GEMIN5: variants seen among roughly 807,000 people sequenced by gnomAD.
GEMIN5 encodes the protein gem-associated protein 5.
GEMIN5 carries 124 observed loss-of-function variants against 176.9 expected under a neutral mutation model. The observed-to-expected ratio is 0.70, with a 90% CI of 0.61 to 0.81. GEMIN5 has a LOEUF of 0.81. Ranked by LOEUF, GEMIN5 falls within the 40% of genes least tolerant of loss-of-function variation. GEMIN5 has a pLI of 0.00. For synonymous variants in GEMIN5, 673 were observed against 665.2 expected, an observed-to-expected ratio of 1.01 and a Z score of -0.18; for missense variants, 1,843 against 1,814.6, an observed-to-expected ratio of 1.02 and a Z score of -0.28.
chr5:154,897,498 CT>C (rs1034947532), intron 23 of GEMIN5, among the ~76,000 whole-genome samples: 2 of 152,012 alleles, frequency 1.3e-5, no homozygotes, highest in South Asian at 4.2e-4. Context: ...ACACTTTTCT[CT>C]TTTTTTTCTG....
At chr5:154,910,602 C>A (rs1206069257) in intron 15 of GEMIN5, among the ~76,000 whole-genome samples, 1 of 152,210 alleles carries the variant, frequency 6.6e-6, no homozygotes, top group Non-Finnish European at 1.5e-5. Flanking sequence ...CTGTGCCCAG[C>A]AGTTGCTTAA....
chr5:154,927,135 A>G (rs1764057036), intron 7 of GEMIN5, among the ~76,000 whole-genome samples: 1 of 152,068 alleles, frequency 6.6e-6, no homozygotes, highest in African/African-American at 2.4e-5. Context: ...TTGACCTAAT[A>G]CATCCTTCCC....
chr5:154,911,840 A>G lies in GEMIN5; in HGVS notation c.2054T>C (p.Leu685Pro). The G allele has an allele frequency of 6.2e-7, 1 of 1,614,038 alleles. No homozygotes were observed. The highest frequency in any genetic ancestry group is 1.1e-5 in the South Asian group (1 of 91,072). ...LCNFRGHRGRLLCVAWSPLDP... is the reference protein window; with the variant it reads ...LCNFRGHRGRPLCVAWSPLDP... The stretch of plus-strand genomic sequence containing the variant: ...CAAAGGAGACCATGCCACACAAAGC[A>G]GTCGACCTCGATGTCCTCGGAAATT... The change falls in exon 15 of 28, where the codon CTG (leucine) becomes CCG (proline). Residue 685 changes from leucine to proline, a missense_variant. Leu to Pro is a moderately conservative substitution (Grantham distance 98). Transcript: ENST00000285873.
At chr5:154,920,658 G>A (rs887879424) in intron 10 of GEMIN5, among the ~76,000 whole-genome samples, 4 of 152,160 alleles carry the variant, frequency 2.6e-5, no homozygotes, top group Non-Finnish European at 5.9e-5. Flanking sequence ...GTAAACATTT[G>A]TTGCATAAAT....
intron 26 of GEMIN5, among the ~76,000 whole-genome samples, chr5:154,890,870 T>A (rs1321905193): frequency 6.6e-6 from 1 of 152,086 alleles, no homozygotes; most frequent in Non-Finnish European, 1.5e-5. Flanking sequence ...TTCAAACGAT[T>A]CTCTGGCCTC....
In GEMIN5 at chr5:154,891,737, C is replaced by T. The variant is rs149877560; in HGVS notation, c.3766G>A (p.Asp1256Asn). ...VYSAFLPDGCDHLRDKLGDHQ... is the reference protein window; with the variant it reads ...VYSAFLPDGCNHLRDKLGDHQ... ...TCCCCCAACTTGTCTCTTAGGTGGT[C>T]ACAGCCTAGGAAAAGAGGAAAAAGA... Residue 1256 changes from aspartate (D) to asparagine (N), a missense_variant, in exon 26 of 28, where the codon GAC (aspartate) becomes AAC (asparagine). Transcript: ENST00000285873. 1.3e-4 allele frequency: 212 copies of T among 1,581,838 alleles called. No homozygotes were observed. In the African/African-American group the frequency reaches 2.6e-3, roughly 20 times the overall value.
At chr5:154,932,388 C>G in intron 3 of GEMIN5, 138 bp from the exon 4 acceptor site, 1 of 624,270 alleles carries the variant, frequency 1.6e-6, no homozygotes, top group South Asian at 2.0e-5. Flanking sequence ...GGGAAGAGGA[C>G]AAAAAATAAT....
At chr5:154,916,574 A>G (rs1230825157) in intron 13 of GEMIN5, among the ~76,000 whole-genome samples, 4 of 152,092 alleles carry the variant, frequency 2.6e-5, no homozygotes, top group African/African-American at 9.7e-5. Flanking sequence ...TGCAGCCTCA[A>G]ACTCCTAGAA....
intron 1 of GEMIN5, 78 bp from the exon 2 acceptor site, chr5:154,937,263 C>T: frequency 1.7e-6 from 2 of 1,200,016 alleles, no homozygotes; most frequent in Non-Finnish European, 2.3e-6. Flanking sequence ...TGTTGGATGA[C>T]AAGTGAGCAG....
At chr5:154,898,239 A>G (rs768459141) in intron 23 of GEMIN5, among the ~76,000 whole-genome samples, 8 of 152,192 alleles carry the variant, frequency 5.3e-5, no homozygotes, top group Non-Finnish European at 1.2e-4. Context: ...AATGGGAATT[A>G]CTGTGAATGA....
intron 5 of GEMIN5, 140 bp from the exon 6 acceptor site, chr5:154,928,799 T>C (rs1445342053): frequency 7.3e-6 from 5 of 682,190 alleles, no homozygotes; most frequent in African/African-American, 1.8e-5. Flanking sequence ...CATTTTCCAA[T>C]GGTTACAATT....
chr5:154,893,432 C>T (rs536902112), intron 24 of GEMIN5, among the ~76,000 whole-genome samples: 1 of 151,022 alleles, frequency 6.6e-6, no homozygotes, highest in South Asian at 2.1e-4. Flanking sequence ...AAAAAAAAAT[C>T]AAAACCCACC....
intron 23 of GEMIN5, among the ~76,000 whole-genome samples, chr5:154,896,798 G>C (rs939129520): frequency 4.6e-5 from 7 of 152,190 alleles, no homozygotes; most frequent in African/African-American, 1.7e-4. Context: ...ACAGGCATTA[G>C]GAGCCATGTC....
At chr5:154,901,569 C>A (rs1763466305) in intron 20 of GEMIN5, 83 bp from the exon 21 acceptor site, 4 of 1,339,636 alleles carry the variant, frequency 3.0e-6, no homozygotes, top group Non-Finnish European at 4.2e-6. Context: ...TTGAAAAAGC[C>A]TTGTTTTCGT....
At chr5:154,923,943 T>C (rs979166890) in intron 9 of GEMIN5, among the ~76,000 whole-genome samples, 7 of 152,196 alleles carry the variant, frequency 4.6e-5, no homozygotes, top group African/African-American at 1.7e-4. Flanking sequence ...GCCACAAAGA[T>C]GAACTGTATA....
rs145253856 is a variant in GEMIN5 at position 154,932,142 on chromosome 5, C to A, written c.618G>T (p.Leu206=). ...DEIHSIAWCP[L]PGEDCLSINQ... is the part of the protein sequence containing the mutation. ...TTATAGATAAACAATCTTCACCAGG[C>A]AGGGGACACCAGGCTATGGAGTGGA... Residue 206 remains leucine (L), a synonymous_variant, in exon 4 of 28, where the codon CTG becomes CTT. Coordinates refer to ENST00000285873, the MANE Select transcript of GEMIN5 (RefSeq NM_015465.5). The A allele has an allele frequency of 8.7e-6, 14 of 1,613,670 alleles. No homozygotes were observed. Among genetic ancestry groups the A allele is most frequent in the Middle Eastern group, 1.7e-4 (1 of 6,058 alleles).
rs138770378 is a variant in GEMIN5, at chr5:154,888,028, A to C, written c.*182T>G. On this transcript the variant is annotated 3_prime_UTR_variant, in exon 28 of 28. Coordinates refer to ENST00000285873, the MANE Select transcript of GEMIN5 (RefSeq NM_015465.5). ...AGTAGGAGACCACAATTGAGTCTAA[A>C]GTCAGATCCACCGTTGTCTATGGGT... The C allele has an allele frequency of 2.1e-4, 126 of 596,622 alleles. No individual in the cohort carries two copies. The East Asian group carries it at 3.7e-3, about 17-fold the overall frequency. 37.0% of individuals were successfully genotyped at this position (596,622 alleles called of 1,614,324 possible).
chr5:154,890,657 C>T (rs1165565277), intron 26 of GEMIN5, among the ~76,000 whole-genome samples: 1 of 152,108 alleles, frequency 6.6e-6, no homozygotes, highest in African/African-American at 2.4e-5. Context: ...TTTCTAGAGA[C>T]AGGGTCTCAA....
At chr5:154,890,311 T>C (rs1323042728) in intron 26 of GEMIN5, among the ~76,000 whole-genome samples, 1 of 152,160 alleles carries the variant, frequency 6.6e-6, no homozygotes, top group Non-Finnish European at 1.5e-5. Flanking sequence ...TATGCCTGGG[T>C]AGCTTTTACC....
Sources: allele counts gnomAD v4.1 joint callset (sites outside exome capture counted in the v4.1 genomes callset), GRCh38; gene constraint gnomAD v4.1.1; transcripts MANE v1.5; gene names NCBI Gene and HGNC (gene_info 2026-07-23, HGNC 2026-07-21).